The following PCDH15 variants were observed in gnomAD, a reference collection of about 807,000 sequenced individuals.
PCDH15 encodes the protein protocadherin-15.
PCDH15 carries 129 observed loss-of-function variants against 178.5 expected under a neutral mutation model. The observed-to-expected ratio is 0.72, with a 90% CI of 0.63 to 0.84. PCDH15 has a LOEUF of 0.84. Among genes scored for constraint, PCDH15 ranks in the 40% least tolerant of loss-of-function variants. The pLI is 0.00. For missense variants in PCDH15, 2,230 were observed against 2,099.9 expected (o/e 1.06, Z -1.21); for synonymous variants, 800 against 732.0 (o/e 1.09, Z -1.50).
chr10:55,599,405 C>T (rs1202904819), intron 2 of PCDH15: 2 of 152,070 alleles, frequency 1.3e-5, no homozygotes. Flanking sequence ...AGAAAATAAC[C>T]GTCCTATAGA....
At chr10:54,296,348 G>A (rs546281113) in intron 8 of PCDH15, among the ~76,000 whole-genome samples, 102 of 151,964 alleles carry the variant, frequency 6.7e-4, no homozygotes, top group Non-Finnish European at 1.1e-3. Context: ...TTCAGCTCCA[G>A]GGTCCCAACA....
At chr10:54,222,518 T>G (rs1337926510) in intron 9 of PCDH15, among the ~76,000 whole-genome samples, 1 of 152,232 alleles carries the variant, frequency 6.6e-6, no homozygotes, top group African/African-American at 2.4e-5. Flanking sequence ...TAATATTATA[T>G]TTTCATTGTT....
intron 3 of PCDH15, among the ~76,000 whole-genome samples, chr10:54,842,903 A>G (rs1953443390): frequency 6.6e-6 from 1 of 151,914 alleles, no homozygotes; most frequent in Non-Finnish European, 1.5e-5. Flanking sequence ...AGGAAAAGGA[A>G]GGCAGGCATT....
chr10:55,133,412 C>A (rs1564825041), intron 2 of PCDH15, among the ~76,000 whole-genome samples: 1 of 152,120 alleles, frequency 6.6e-6, no homozygotes, highest in Non-Finnish European at 1.5e-5. Context: ...CACTCCTTCC[C>A]AGCCTTCTTT....
intron 26 of PCDH15, among the ~76,000 whole-genome samples, chr10:53,872,550 C>T (rs1194262186): frequency 6.6e-6 from 1 of 152,134 alleles, no homozygotes; most frequent in Non-Finnish European, 1.5e-5. Context: ...CCTTCCACAA[C>T]ACCTGGATCT....
At chr10:55,276,903 C>T (rs7080639) in intron 1 of PCDH15, among the ~76,000 whole-genome samples, 3,570 of 151,338 alleles carry the variant, frequency 0.024, 157 homozygotes, top group African/African-American at 0.081. Flanking sequence ...CCAATGAACT[C>T]AGGGCTCTCA....
intron 1 of PCDH15, among the ~76,000 whole-genome samples, chr10:54,732,891 AGTCTACATAATTCT>A (rs1284613898): frequency 7.3e-5 from 11 of 151,594 alleles, no homozygotes; most frequent in Non-Finnish European, 1.0e-4. Flanking sequence ...TCAGAAATTG[AGTCTACATAATTCT>A]TAATATTATC....
At chr10:55,100,629 G>A (rs1842554929) in intron 2 of PCDH15, among the ~76,000 whole-genome samples, 1 of 152,088 alleles carries the variant, frequency 6.6e-6, no homozygotes, top group Non-Finnish European at 1.5e-5. Context: ...GCAAGAGAGG[G>A]AGAGGTGTTA....
At chr10:55,462,301 A>G (rs1839696758) in intron 2 of PCDH15, among the ~76,000 whole-genome samples, 1 of 152,166 alleles carries the variant, frequency 6.6e-6, no homozygotes. Flanking sequence ...AGGGAACTTA[A>G]TATCCTTTTG....
At chr10:55,231,475 GC>G (rs368077811) in intron 1 of PCDH15, among the ~76,000 whole-genome samples, 1 of 152,080 alleles carries the variant, frequency 6.6e-6, no homozygotes, top group African/African-American at 2.4e-5. Context: ...CTTTGAGAAT[GC>G]ATTCTTGCTT....
intron 1 of PCDH15, among the ~76,000 whole-genome samples, chr10:54,762,448 C>T (rs1382393070): frequency 6.6e-6 from 1 of 152,120 alleles, no homozygotes; most frequent in Admixed American, 6.5e-5. Context: ...TTCTTATGAA[C>T]ATAAGAGTTG....
chr10:55,351,850 C>A (rs775894386), intron 2 of PCDH15, among the ~76,000 whole-genome samples: 6 of 152,072 alleles, frequency 3.9e-5, no homozygotes, highest in Non-Finnish European at 5.9e-5. Flanking sequence ...AACATCTCTG[C>A]GTGTTCCTGA....
At position 54,727,977 on chromosome 10, in the gene PCDH15, A is replaced by T. The variant is rs533483188; in HGVS notation, c.-28-63687T>A. On this transcript the variant is annotated intron_variant, in intron 1 of 37. Transcript: ENST00000644397. ...AACCAGAATAAGCCCTATACCAGAT[A>T]TATTTACAGCTGAATTCTACAAAGT... 1.3e-4 allele frequency among the ~76,000 whole-genome samples: 19 copies of T among 151,584 alleles called. 1 individual carries two copies. In the South Asian group the frequency reaches 3.5e-3, roughly 28 times the overall value.
chr10:53,903,302 A>C lies in PCDH15; in HGVS notation c.3442T>G (p.Phe1148Val). 6.2e-7 allele frequency: 1 copy of C among 1,613,216 alleles called. No individual in the cohort carries two copies. The highest frequency in any genetic ancestry group is 2.2e-5 in the East Asian group (1 of 44,804). Residue 1148 changes from phenylalanine to valine, a missense_variant, in exon 26 of 38, where the codon TTC becomes GTC. Coordinates refer to ENST00000644397, the MANE Select transcript of PCDH15 (RefSeq NM_001384140.1). ...TCTTCAGATACACCTCCGATGTAGA[A>C]TTTTTTCTGAAACACTGGGGGATGA... The part of the protein sequence containing the change: ...NNHPPVFQKK[F>V]YIGGVSEDAR...
At chr10:53,876,963 T>G (rs2133284343) in intron 26 of PCDH15, among the ~76,000 whole-genome samples, 1 of 152,232 alleles carries the variant, frequency 6.6e-6, no homozygotes, top group African/African-American at 2.4e-5. Context: ...AATTTACTCT[T>G]AATTTAAATC....
intron 9 of PCDH15, among the ~76,000 whole-genome samples, chr10:54,225,658 A>G (rs1002978975): frequency 1.3e-5 from 2 of 152,222 alleles, no homozygotes; most frequent in African/African-American, 4.8e-5. Flanking sequence ...GTACTGGGGT[A>G]ACCCCTAAAA....
At chr10:54,618,054 G>A (rs2093235960) in intron 2 of PCDH15, among the ~76,000 whole-genome samples, 1 of 151,998 alleles carries the variant, frequency 6.6e-6, no homozygotes, top group South Asian at 2.1e-4. Context: ...TTAGAAGCCT[G>A]GGGAATTCTT....
At chr10:54,354,024 T>C (rs568128261) in intron 5 of PCDH15, among the ~76,000 whole-genome samples, 1 of 152,328 alleles carries the variant, frequency 6.6e-6, no homozygotes, top group East Asian at 1.9e-4. Context: ...TCGCTCTTGT[T>C]GGCCAGGCTG....
At chr10:54,596,077 A>T (rs1031368291) in intron 2 of PCDH15, among the ~76,000 whole-genome samples, 8 of 152,088 alleles carry the variant, frequency 5.3e-5, no homozygotes. Context: ...TCCCCAACCT[A>T]ACCACCAATA....
Sources: gnomAD v4.1 joint callset for allele counts (sites outside exome capture counted in the v4.1 genomes callset) on GRCh38, gnomAD v4.1.1 for gene constraint, MANE v1.5 for transcripts, NCBI Gene and HGNC (gene_info 2026-07-23, HGNC 2026-07-21) for gene names.